Variants in KLHL22 observed in about 807,000 individuals in gnomAD.
KLHL22 encodes the protein kelch like family member 22.
KLHL22 carries 18 observed loss-of-function variants against 60.7 expected under a neutral mutation model. That is an observed-to-expected ratio of 0.30 (90% CI 0.20 to 0.44). The LOEUF is 0.44. Among genes scored for constraint, KLHL22 ranks in the 20% least tolerant of loss-of-function variants. The pLI is 1.00. For synonymous variants in KLHL22, 355 were observed against 354.5 expected (o/e 1.00, Z -0.01); for missense variants, 596 against 852.3 (o/e 0.70, Z 3.74).
At chr22:20,458,111 C>T in intron 4 of KLHL22, 111 bp from the exon 5 acceptor site, 3 of 1,139,382 alleles carry the variant, frequency 2.6e-6, no homozygotes, top group Non-Finnish European at 3.7e-6. Flanking sequence ...CCAGCCTGAA[C>T]CCTCCCCAAC....
intron 2 of KLHL22, among the ~76,000 whole-genome samples, chr22:20,472,150 G>A (rs1057154315): frequency 2.0e-5 from 3 of 152,086 alleles, no homozygotes; most frequent in Non-Finnish European, 1.5e-5. Flanking sequence ...TGGTGGCTGC[G>A]GCACAAGAAT....
At chr22:20,484,185 G>A in intron 2 of KLHL22, 1 of 519,140 alleles carries the variant, frequency 1.9e-6, no homozygotes, top group South Asian at 1.6e-5. Flanking sequence ...TAGAGACGGG[G>A]TTTCGCCATG....
At chr22:20,455,265 C>T (rs2053045183) in intron 5 of KLHL22, among the ~76,000 whole-genome samples, 1 of 152,198 alleles carries the variant, frequency 6.6e-6, no homozygotes, top group South Asian at 2.1e-4. Flanking sequence ...CACTCTGAAC[C>T]CTCCCATCTC....
At chr22:20,460,099 G>C (rs926919056) in intron 4 of KLHL22, among the ~76,000 whole-genome samples, 1 of 152,210 alleles carries the variant, frequency 6.6e-6, no homozygotes, top group Non-Finnish European at 1.5e-5. Context: ...AACTGGCTGG[G>C]ATGGTGCTGT....
chr22:20,484,076 G>T, intron 2 of KLHL22: 1 of 979,804 alleles, frequency 1.0e-6, no homozygotes, highest in Non-Finnish European at 1.6e-6. Flanking sequence ...AGTAGTTGGT[G>T]GAGAAGGTAG....
intron 4 of KLHL22, among the ~76,000 whole-genome samples, chr22:20,463,436 C>T (rs563997162): frequency 1.3e-5 from 2 of 152,200 alleles, no homozygotes; most frequent in Admixed American, 6.5e-5. Flanking sequence ...CTGTCACCCC[C>T]CTAGGGACAG....
chr22:20,457,768 A>G, intron 5 of KLHL22, 40 bp downstream of exon 5: 1 of 1,498,404 alleles, frequency 6.7e-7, no homozygotes, highest in Non-Finnish European at 9.1e-7. Context: ...TGGGGAAGGA[A>G]ATTAGGCAGG....
chr22:20,466,526 C>T (rs1044164038), intron 3 of KLHL22, among the ~76,000 whole-genome samples: 2 of 152,122 alleles, frequency 1.3e-5, no homozygotes, highest in Non-Finnish European at 2.9e-5. Context: ...CCTGCCTCTC[C>T]AAAAGCGCTG....
intron 2 of KLHL22, chr22:20,475,335 A>G (rs1486477692): frequency 6.6e-6 from 1 of 152,084 alleles, no homozygotes; most frequent in Non-Finnish European, 1.5e-5. Context: ...AATGTTGTCA[A>G]ATTTACCATT....
At chr22:20,483,216 C>T (rs1009655762) in intron 2 of KLHL22, 48 of 666,670 alleles carry the variant, frequency 7.2e-5, no homozygotes, top group Admixed American at 2.8e-4. Context: ...GTCTCAACTC[C>T]GTGATTGTCA....
At chr22:20,487,791 C>A (rs79006226) in intron 2 of KLHL22, among the ~76,000 whole-genome samples, 76 of 152,322 alleles carry the variant, frequency 5.0e-4, no homozygotes, top group Non-Finnish European at 8.7e-4. Flanking sequence ...GCTGCCTACA[C>A]TGTCATCTTC....
chr22:20,488,005 GA>G (rs1365907177), intron 2 of KLHL22, among the ~76,000 whole-genome samples: 3 of 152,068 alleles, frequency 2.0e-5, no homozygotes, highest in Non-Finnish European at 4.4e-5. Flanking sequence ...CTGGTGAACT[GA>G]AAGAATTCTG....
intron 2 of KLHL22, among the ~76,000 whole-genome samples, chr22:20,486,569 C>G (rs1367894832): frequency 6.6e-6 from 1 of 152,160 alleles, no homozygotes; most frequent in Non-Finnish European, 1.5e-5. Context: ...AAGCCTCTCA[C>G]ACATATTTAC....
chr22:20,480,314 T>C (rs1328526286), intron 2 of KLHL22, among the ~76,000 whole-genome samples: 1 of 152,202 alleles, frequency 6.6e-6, no homozygotes, highest in African/African-American at 2.4e-5. Context: ...CTGAACTAGA[T>C]GGTAAGTGTT....
intron 1 of KLHL22, chr22:20,491,558 T>A (rs2053691273): frequency 6.6e-6 from 1 of 152,132 alleles, no homozygotes; most frequent in Admixed American, 6.6e-5. Flanking sequence ...ATCACAGTAC[T>A]GAATACTATA....
At chr22:20,456,365 G>A (rs1373980040) in intron 5 of KLHL22, 2 of 152,200 alleles carry the variant, frequency 1.3e-5, no homozygotes, top group Admixed American at 1.3e-4. Flanking sequence ...TAGTAGTTGC[G>A]GAATGAATGC....
rs1569132561 is a variant in KLHL22 at position 20,465,050 on chromosome 22, T to C, written c.920A>G (p.His307Arg). The change falls in exon 4 of 7, where the codon CAC becomes CGC. Residue 307 changes from histidine (H) to arginine (R), a missense_variant. Physicochemically the swap from His to Arg is conservative, Grantham distance 29 (BLOSUM62 0). Transcript: ENST00000328879. This position sits in a 1 kb window ranked among gnomAD's most constrained non-coding sequence, Gnocchi z 4.9. ...GCTGAGGACAGTGGACGGCGTGGAG[T>C]GAATGCCCCCGAAGCCCACAACGCA... ...FQCVVGFGGIHSTPSTVLSDQ... is the reference protein window; with the variant it reads ...FQCVVGFGGIRSTPSTVLSDQ... The C allele has an allele frequency of 6.2e-7, 1 of 1,610,842 alleles. No individual in the cohort carries two copies. Among genetic ancestry groups the C allele is most frequent in the Admixed American group, 1.7e-5 (1 of 59,852 alleles).
In KLHL22 at chr22:20,489,167, T is replaced by C; in HGVS notation, c.45A>G (p.Ala15=). 6.2e-7 allele frequency: 1 copy of C among 1,614,128 alleles called. No individual in the cohort carries two copies. The highest frequency in any genetic ancestry group is 1.7e-4 in the Middle Eastern group (1 of 6,058). The change falls in exon 2 of 7, where the codon GCA becomes GCG. Residue 15 remains alanine (A), a synonymous_variant. Transcript: ENST00000328879. ...QEFTQLCKLP[A]QPSHPHCVNN... Reference sequence around the variant, plus strand: ...TCACGCAGTGTGGGTGTGAGGGCTGTGCAGGCAACTTGCAGAGCTGGGTGA... The same window carrying C: ...TCACGCAGTGTGGGTGTGAGGGCTGCGCAGGCAACTTGCAGAGCTGGGTGA...
At chr22:20,488,646 A>AT in intron 2 of KLHL22, 1 of 353,018 alleles carries the variant, frequency 2.8e-6, no homozygotes, top group Non-Finnish European at 5.3e-6. Flanking sequence ...TGATGCATAC[A>AT]CAGCAATAAT....
Sources: allele counts gnomAD v4.1 joint callset (sites outside exome capture counted in the v4.1 genomes callset), GRCh38; gene constraint gnomAD v4.1.1; non-coding constraint Gnocchi (gnomAD v3.1); transcripts MANE v1.5; gene names NCBI Gene and HGNC (gene_info 2026-07-23, HGNC 2026-07-21).